Variants in HECW1 observed in about 807,000 individuals in gnomAD.
HECW1 encodes the protein E3 ubiquitin-protein ligase HECW1.
Under a neutral mutation model 182.3 loss-of-function variants are expected in HECW1, and 61 were observed. The ratio of observed to expected loss-of-function variants is 0.33; its 90% CI spans 0.27 to 0.41. The LOEUF (loss-of-function observed/expected upper bound fraction) is 0.41, where lower values mean the gene tolerates loss of function less well. Ranked by LOEUF, HECW1 falls within the 10% of genes least tolerant of loss-of-function variation. The probability of loss-of-function intolerance (pLI) is 1.00; values close to 1 mark genes in which losing one functional copy is unlikely to be tolerated. For synonymous variants in HECW1, 859 were observed against 832.6 expected, an observed-to-expected ratio of 1.03 and a Z score of -0.55; for missense variants, 1,739 against 2,108.9, an observed-to-expected ratio of 0.82 and a Z score of 3.44.
Position 43,554,586 on chromosome 7 carries a change from G to C in HECW1, c.4511-6G>C, listed in dbSNP as rs79655368. On this transcript the variant is annotated splice_region_variant and splice_polypyrimidine_tract_variant and intron_variant, in intron 28 of 29. Transcript: ENST00000395891. ...CTGTCTTCCTCCCTCCCTTTGCCTC[G>C]TGCAGGTTACCACGATGGGCATCTT... The C allele has an allele frequency of 1.2e-6, 2 of 1,610,000 alleles. No homozygotes were observed. Among genetic ancestry groups the C allele is most frequent in the Non-Finnish European group, 1.7e-6 (2 of 1,177,778 alleles).
chr7:43,549,358 A>G (rs1227805564), intron 26 of HECW1, among the ~76,000 whole-genome samples: 1 of 152,250 alleles, frequency 6.6e-6, no homozygotes, highest in African/African-American at 2.4e-5. Context: ...AGTCACCATC[A>G]GACTACTTAT....
intron 2 of HECW1, among the ~76,000 whole-genome samples, chr7:43,146,770 T>A (rs138935801): frequency 1.3e-5 from 2 of 152,334 alleles, no homozygotes; most frequent in African/African-American, 4.8e-5. Context: ...TGTGCCAGGC[T>A]AATCAGGAGC....
intron 3 of HECW1, among the ~76,000 whole-genome samples, chr7:43,262,865 A>G (rs886707264): frequency 3.9e-5 from 6 of 152,094 alleles, no homozygotes; most frequent in Admixed American, 1.3e-4. Flanking sequence ...CTGCCATTCA[A>G]TCACATCCTC....
Position 43,469,070 on chromosome 7 carries a change from C to CG in HECW1, c.3068dup (p.Trp1024LeufsTer25). On this transcript the variant is annotated frameshift_variant, in exon 16 of 30. Coordinates refer to ENST00000395891, the MANE Select transcript of HECW1 (RefSeq NM_015052.5). LOFTEE classifies it high-confidence loss of function. ...CGCAGACACTCGGCTGGAACTGCCC[C>CG]GGGGCTGGGAGATCAAAACGGACCA... The CG allele has an allele frequency of 1.2e-6, 2 of 1,614,114 alleles. No homozygotes were observed. The highest frequency in any genetic ancestry group is 1.7e-6 in the Non-Finnish European group (2 of 1,180,020).
intron 2 of HECW1, among the ~76,000 whole-genome samples, chr7:43,146,436 C>T (rs1318401551): frequency 6.6e-6 from 1 of 152,010 alleles, no homozygotes; most frequent in East Asian, 1.9e-4. Flanking sequence ...TGTATCAATG[C>T]CATCACTGAA....
chr7:43,291,230 C>T (rs1805361632), intron 3 of HECW1, among the ~76,000 whole-genome samples: 1 of 152,222 alleles, frequency 6.6e-6, no homozygotes, highest in African/African-American at 2.4e-5. Context: ...CGAGAGTACA[C>T]TGAACAAAGG....
intron 5 of HECW1, among the ~76,000 whole-genome samples, chr7:43,352,505 G>A (rs1814592702): frequency 6.6e-6 from 1 of 152,156 alleles, no homozygotes; most frequent in Non-Finnish European, 1.5e-5. Flanking sequence ...TAGCTGGTCA[G>A]CAAACTTGAG....
chr7:43,502,366 A>C (rs777980208), intron 21 of HECW1, among the ~76,000 whole-genome samples: 5 of 152,230 alleles, frequency 3.3e-5, no homozygotes, highest in Non-Finnish European at 5.9e-5. Context: ...AGTGAATAAA[A>C]GATATTTTCG....
At chr7:43,178,253 G>A (rs1278214168) in intron 2 of HECW1, among the ~76,000 whole-genome samples, 4 of 152,126 alleles carry the variant, frequency 2.6e-5, no homozygotes, top group Admixed American at 6.6e-5. Context: ...TGATCTGCCC[G>A]TCTTGGCCTC....
chr7:43,394,005 A>T (rs1479939427), intron 6 of HECW1, among the ~76,000 whole-genome samples: 2 of 152,302 alleles, frequency 1.3e-5, no homozygotes, highest in Admixed American at 6.5e-5. Flanking sequence ...TCTTAGAAAG[A>T]GACAAATTTG....
At chr7:43,412,698 G>A (rs2075847646) in intron 8 of HECW1, among the ~76,000 whole-genome samples, 1 of 150,244 alleles carries the variant, frequency 6.7e-6, no homozygotes, top group African/African-American at 2.5e-5. Context: ...GTGAGAATAT[G>A]CGGTGTTTGG....
intron 14 of HECW1, among the ~76,000 whole-genome samples, chr7:43,465,379 G>A (rs1318225725): frequency 1.3e-5 from 2 of 152,210 alleles, no homozygotes. Flanking sequence ...CAGCTGCGGA[G>A]TCGGCCACAG....
chr7:43,488,455 A>G, intron 17 of HECW1, among the ~76,000 whole-genome samples: 1 of 149,560 alleles, frequency 6.7e-6, no homozygotes, highest in African/African-American at 2.5e-5. Flanking sequence ...AAAGAAAGAA[A>G]GAAAGAAAGA....
chr7:43,120,145 C>T (rs1344401870), intron 2 of HECW1, among the ~76,000 whole-genome samples: 1 of 152,142 alleles, frequency 6.6e-6, no homozygotes, highest in Non-Finnish European at 1.5e-5. Flanking sequence ...CAGGATGAAA[C>T]CCAAACTCCT....
At chr7:43,524,821 T>C (rs915706010) in intron 24 of HECW1, among the ~76,000 whole-genome samples, 6 of 152,230 alleles carry the variant, frequency 3.9e-5, no homozygotes, top group African/African-American at 1.4e-4. Flanking sequence ...AAGAAGTTAC[T>C]GCAAAATTAT....
At chr7:43,461,109 A>G (rs540867277) in intron 13 of HECW1, among the ~76,000 whole-genome samples, 13 of 152,370 alleles carry the variant, frequency 8.5e-5, no homozygotes, top group Admixed American at 4.6e-4. Flanking sequence ...TAAAACAACC[A>G]CAAACATTTC....
intron 2 of HECW1, among the ~76,000 whole-genome samples, chr7:43,172,171 G>A (rs930440779): frequency 1.3e-5 from 2 of 151,406 alleles, no homozygotes; most frequent in African/African-American, 4.9e-5. Flanking sequence ...GGGGGGATGT[G>A]TAATCTCAGC....
At chr7:43,124,701 G>T (rs1210500980) in intron 2 of HECW1, among the ~76,000 whole-genome samples, 1 of 152,180 alleles carries the variant, frequency 6.6e-6, no homozygotes, top group Admixed American at 6.5e-5. Flanking sequence ...AGGGGACTGG[G>T]AGTAGCCAGG....
chr7:43,377,844 A>C, intron 6 of HECW1: 1 of 198,192 alleles, frequency 5.0e-6, no homozygotes, highest in Admixed American at 6.0e-5. Flanking sequence ...CCTCCCCCAG[A>C]GCTATGGATA....
Sources: gnomAD v4.1 joint callset for allele counts (sites outside exome capture counted in the v4.1 genomes callset) on GRCh38, gnomAD v4.1.1 for gene constraint, MANE v1.5 for transcripts, NCBI Gene and HGNC (gene_info 2026-07-23, HGNC 2026-07-21) for gene names.